ELMOD2: variants seen among roughly 807,000 people sequenced by gnomAD.
ELMOD2 encodes the protein ELMO domain-containing protein 2.
In ELMOD2, 28 loss-of-function variants were observed where a neutral mutation model predicts 41.0. That is an observed-to-expected ratio of 0.68 (90% CI 0.51 to 0.94). The LOEUF is 0.94. ELMOD2 is among the 40% of genes least tolerant of loss of function. ELMOD2 has a pLI of 0.00. For synonymous variants in ELMOD2, 106 were observed against 107.2 expected (o/e 0.99, Z 0.07); for missense variants, 333 against 343.1 (o/e 0.97, Z 0.23).
chr4:140,525,311 A>G (rs1479861058), intron 1 of ELMOD2, 109 bp from the exon 2 acceptor site: 2 of 1,202,204 alleles, frequency 1.7e-6, no homozygotes, highest in East Asian at 2.4e-5. Flanking sequence ...AACAGACACA[A>G]TGAAATGATA....
intron 8 of ELMOD2, among the ~76,000 whole-genome samples, chr4:140,546,831 A>T (rs564524508): frequency 6.6e-6 from 1 of 152,206 alleles, no homozygotes; most frequent in African/African-American, 2.4e-5. Context: ...ATTAAAGTGT[A>T]ATATCTGAGG....
Position 140,540,173 on chromosome 4 carries a change from G to A in ELMOD2, c.405G>A (p.Trp135Ter). 1 of 1,613,914 alleles carries A rather than the reference G, an allele frequency of 6.2e-7. No individual in the cohort carries two copies. The change falls in exon 6 of 9, where the codon TGG becomes TGA. Residue 135 changes from tryptophan (W) to a stop codon, truncating the protein, a stop_gained. Coordinates refer to ENST00000323570, the MANE Select transcript of ELMOD2 (RefSeq NM_153702.4). LOFTEE classifies it high-confidence loss of function. ...ATGGAAATATATTTGTACAGCTTTG[G>A]AATCTTCTAATGCCCACGAAGAAGT... ...LQHEELLMKL[W>*]NLLMPTKKLN...
intron 6 of ELMOD2, among the ~76,000 whole-genome samples, chr4:140,540,760 A>T (rs1374111726): frequency 7.1e-6 from 1 of 141,102 alleles, no homozygotes; most frequent in Non-Finnish European, 1.6e-5. Flanking sequence ...AAAAAAAAAA[A>T]GACATTGGTG....
chr4:140,542,418 A>G, intron 6 of ELMOD2, 156 bp from the exon 7 acceptor site: 1 of 542,528 alleles, frequency 1.8e-6, no homozygotes, highest in Non-Finnish European at 3.2e-6. Flanking sequence ...TTGATTCAGA[A>G]GCATTTGTGA....
intron 7 of ELMOD2, among the ~76,000 whole-genome samples, chr4:140,543,139 T>C (rs1267203200): frequency 6.6e-6 from 1 of 151,962 alleles, no homozygotes; most frequent in Non-Finnish European, 1.5e-5. Context: ...GATTATCCAG[T>C]GTATTTTAGA....
intron 5 of ELMOD2, among the ~76,000 whole-genome samples, chr4:140,538,111 A>G (rs997533552): frequency 1.3e-5 from 2 of 152,194 alleles, no homozygotes; most frequent in African/African-American, 4.8e-5. Context: ...CATAAAGCCA[A>G]TGAGGTGCCA....
Position 140,542,593 on chromosome 4 carries a change from A to T in ELMOD2, c.553A>T (p.Thr185Ser). The part of the protein sequence containing the change: ...INLVYFSENY[T>S]SEAHQILSRS... ...TTTTAGGTATTTCAGTGAAAATTAC[A>T]CTAGTGAAGCTCATCAGATTCTTTC... is the stretch of plus-strand genomic sequence containing the variant. Residue 185 changes from threonine to serine, a missense_variant, in exon 7 of 9, where the codon ACT (threonine) becomes TCT (serine). Thr to Ser is a moderately conservative substitution (Grantham distance 58). Transcript: ENST00000323570. 1.9e-6 allele frequency: 3 copies of T among 1,606,182 alleles called. No homozygotes were observed. Among genetic ancestry groups the T allele is most frequent in the Non-Finnish European group, 2.6e-6 (3 of 1,175,778 alleles).
chr4:140,542,649 TG>T lies in ELMOD2; in HGVS notation c.602+10del, dbSNP rs1418758910. The T allele has an allele frequency of 6.3e-7, 1 of 1,598,348 alleles. No individual in the cohort carries two copies. On this transcript the variant is annotated splice_region_variant and intron_variant, in intron 7 of 8. Coordinates refer to ENST00000323570, the MANE Select transcript of ELMOD2 (RefSeq NM_153702.4). ...CAAATCATCCAAAATTAGGGTAAGC[TG>T]GGTATATTAAAGAAGCCGTAATCTC... is the stretch of plus-strand genomic sequence containing the variant.
At chr4:140,528,765 C>T (rs1734649344) in intron 3 of ELMOD2, among the ~76,000 whole-genome samples, 1 of 152,068 alleles carries the variant, frequency 6.6e-6, no homozygotes, top group Admixed American at 6.5e-5. Context: ...TAAGAATGGT[C>T]TATTTAAGAA....
chr4:140,535,595 G>A lies in ELMOD2; in HGVS notation c.172-138G>A, dbSNP rs1446070618. ...GTGAATTTAGCCCTAGAGAAAATGT[G>A]AAATAAACTGGTTGAAACAAACTGG... On this transcript the variant is annotated intron_variant, in intron 3 of 8. Coordinates refer to ENST00000323570, the MANE Select transcript of ELMOD2 (RefSeq NM_153702.4). The A allele has an allele frequency of 1.0e-5, 7 of 685,326 alleles. No homozygotes were observed. In the African/African-American group the frequency reaches 1.1e-4, roughly 11 times the overall value. The allele number at this position is 685,326 out of a possible 1,614,324, so 42.5% of individuals were successfully genotyped here. A position where few individuals can be genotyped will look rare whatever the true frequency, so the allele number is the denominator to read the frequency against.
rs560782776 is a variant in ELMOD2 at position 140,553,317 on chromosome 4, A to G, written c.*2942A>G. On this transcript the variant is annotated 3_prime_UTR_variant, in exon 9 of 9. Transcript: ENST00000323570. ...TAATGTTTATTATCCTTTTTGAAAT[A>G]ACAGGGACCAGCAGCAGTTTTCTCA... The G allele has an allele frequency of 3.9e-5, 6 of 152,138 alleles. No homozygotes were observed. Among genetic ancestry groups the G allele is most frequent in the Non-Finnish European group, 8.8e-5 (6 of 67,984 alleles). 9.4% of individuals were successfully genotyped at this position (152,138 alleles called of 1,614,324 possible).
chr4:140,541,361 C>T (rs1351247335), intron 6 of ELMOD2, among the ~76,000 whole-genome samples: 1 of 151,772 alleles, frequency 6.6e-6, no homozygotes, highest in Non-Finnish European at 1.5e-5. Flanking sequence ...TTATTTTTCA[C>T]CATTTGATAC....
At chr4:140,529,003 G>A (rs1734657035) in intron 3 of ELMOD2, among the ~76,000 whole-genome samples, 1 of 152,190 alleles carries the variant, frequency 6.6e-6, no homozygotes, top group Non-Finnish European at 1.5e-5. Context: ...ACAAATTTTA[G>A]CAGATGCACT....
In ELMOD2 at chr4:140,535,760, C is replaced by G. The variant is rs1211269531; in HGVS notation, c.199C>G (p.Gln67Glu). The change falls in exon 4 of 9, where the codon CAG becomes GAG. Residue 67 changes from glutamine to glutamate, a missense_variant. Gln to Glu is a conservative substitution (Grantham distance 29). Coordinates refer to ENST00000323570, the MANE Select transcript of ELMOD2 (RefSeq NM_153702.4). ...KVLQKATHVV[Q>E]SEVDKYVDDI... ...TTTACAGAAGGCGACACATGTTGTT[C>G]AGAGTGAAGTGGACAAATATGTAGA... 1 of 1,611,088 alleles carries G rather than the reference C, an allele frequency of 6.2e-7. No individual in the cohort carries two copies. Among genetic ancestry groups the G allele is most frequent in the Admixed American group, 1.7e-5 (1 of 59,228 alleles).
chr4:140,532,517 A>G (rs912818603), intron 3 of ELMOD2, among the ~76,000 whole-genome samples: 1 of 152,202 alleles, frequency 6.6e-6, no homozygotes, highest in African/African-American at 2.4e-5. Flanking sequence ...ACATTAACAG[A>G]GTAAATCAGA....
At chr4:140,525,633 C>T in intron 2 of ELMOD2, 63 bp downstream of exon 2, 1 of 1,513,360 alleles carries the variant, frequency 6.6e-7, no homozygotes, top group South Asian at 1.3e-5. Flanking sequence ...TCTCAGGACT[C>T]ACAGTGACAG....
chr4:140,549,748 C>CATGT (rs1252158977), intron 8 of ELMOD2, among the ~76,000 whole-genome samples: 1 of 112,848 alleles, frequency 8.9e-6, no homozygotes, highest in Non-Finnish European at 1.6e-5. Context: ...TGCAGTGGTA[C>CATGT]AATCACGGCT....
intron 2 of ELMOD2, among the ~76,000 whole-genome samples, chr4:140,527,030 C>T (rs1734584602): frequency 6.6e-6 from 1 of 152,144 alleles, no homozygotes; most frequent in Non-Finnish European, 1.5e-5. Flanking sequence ...ATCTGAAGTC[C>T]TTGCCTATTT....
intron 3 of ELMOD2, chr4:140,535,461 G>T (rs555670716): frequency 5.6e-5 from 16 of 284,850 alleles, no homozygotes; most frequent in Non-Finnish European, 7.7e-5. Flanking sequence ...TATGGTGGCA[G>T]CTCATTTGCT....
Sources: allele counts gnomAD v4.1 joint callset (sites outside exome capture counted in the v4.1 genomes callset), GRCh38; gene constraint gnomAD v4.1.1; transcripts MANE v1.5; gene names NCBI Gene and HGNC (gene_info 2026-07-23, HGNC 2026-07-21).